PPIE: variants seen among roughly 807,000 people sequenced by gnomAD.
PPIE encodes the protein peptidyl-prolyl cis-trans isomerase E.
In PPIE, 20 loss-of-function variants were observed where a neutral mutation model predicts 38.4. That is an observed-to-expected ratio of 0.52 (90% CI 0.37 to 0.76). PPIE has a LOEUF of 0.76. PPIE is among the 30% of genes least tolerant of loss of function. PPIE has a pLI of 0.00. For synonymous variants in PPIE, 142 were observed against 135.7 expected (o/e 1.05, Z -0.32); for missense variants, 322 against 385.8 (o/e 0.83, Z 1.39).
intron 8 of PPIE, among the ~76,000 whole-genome samples, chr1:39,750,298 T>A (rs1363937675): frequency 3.3e-5 from 5 of 152,150 alleles, no homozygotes; most frequent in Non-Finnish European, 7.3e-5. Context: ...TAGGCAGACT[T>A]CTAGTCCCAT....
At chr1:39,760,614 C>T, downstream of PPIE, 1 of 1,589,008 alleles carries the variant, frequency 6.3e-7, no homozygotes, top group East Asian at 2.3e-5. Flanking sequence ...CCAGTGGCCT[C>T]CTCCAAGGAC....
At position 39,756,111 on chromosome 1, in the gene PPIE, C is replaced by A. The variant is rs1648241357; in HGVS notation, c.*2756C>A. ...AGCCCCAGAGCTGGGCAGTGGCATG[C>A]CCCACAGCCTGGCCACCTGCTTCGG... On this transcript the variant is annotated 3_prime_UTR_variant, in exon 10 of 10. Transcript: ENST00000324379. The A allele has an allele frequency of 1.0e-6, 1 of 985,428 alleles. No individual in the cohort carries two copies. Among genetic ancestry groups the A allele is most frequent in the East Asian group, 1.1e-4 (1 of 8,810 alleles). 61.0% of individuals were successfully genotyped at this position (985,428 alleles called of 1,614,324 possible). A position where few individuals can be genotyped will look rare whatever the true frequency, so the allele number is the denominator to read the frequency against.
In PPIE at chr1:39,755,562, A is replaced by C; in HGVS notation, c.*2207A>C. ...AGTCACAGGTGTTAGGCAGGCATCT[A>C]TGAAGCTGGGGATGATAGCACTGAC... On this transcript the variant is annotated 3_prime_UTR_variant, in exon 10 of 10. Transcript: ENST00000324379. The C allele has an allele frequency of 1.0e-6, 1 of 985,440 alleles. No homozygotes were observed. Among genetic ancestry groups the C allele is most frequent in the Non-Finnish European group, 1.2e-6 (1 of 829,930 alleles). The allele number at this position is 985,440 out of a possible 1,614,324, so 61.0% of individuals were successfully genotyped here. A position where few individuals can be genotyped will look rare whatever the true frequency, so the allele number is the denominator to read the frequency against.
chr1:39,760,500 A>G (rs1026412530), downstream of PPIE: 4 of 1,614,060 alleles, frequency 2.5e-6, no homozygotes, highest in Non-Finnish European at 3.4e-6. Context: ...AGTAGAGCAC[A>G]GAGGTGGCGC....
At position 39,748,958 on chromosome 1, in the gene PPIE, C is replaced by T; in HGVS notation, c.564C>T (p.Ser188=). ...AGGGCTTTGGCTTTAAGGGAAGCAG[C>T]TTCCACCGCATCATCCCCCAGTTCA... ...HEKGFGFKGS[S]FHRIIPQFMC... is the part of the protein sequence containing the mutation. The change falls in exon 8 of 10, where the codon AGC becomes AGT. Residue 188 remains serine, a synonymous_variant. Transcript: ENST00000324379. The T allele has an allele frequency of 6.2e-7, 1 of 1,614,164 alleles. No individual in the cohort carries two copies. Among genetic ancestry groups the T allele is most frequent in the Non-Finnish European group, 8.5e-7 (1 of 1,180,012 alleles).
chr1:39,751,070 C>T (rs933633032), intron 8 of PPIE, among the ~76,000 whole-genome samples: 2 of 152,194 alleles, frequency 1.3e-5, no homozygotes, highest in Non-Finnish European at 2.9e-5. Flanking sequence ...TGTACTCAAA[C>T]GCAGCAGTTA....
Position 39,748,924 on chromosome 1 carries a change from C to T in PPIE, c.530C>T (p.Thr177Ile). ...CCAGAGAATTTCCGCTGCCTGTGCA[C>T]TCATGAAAAGGGCTTTGGCTTTAAG... is the stretch of plus-strand genomic sequence containing the variant. The part of the protein sequence containing the change: ...MTAENFRCLC[T>I]HEKGFGFKGS... Residue 177 changes from threonine (T) to isoleucine (I), a missense_variant, in exon 8 of 10, where the codon ACT becomes ATT. Physicochemically the swap from Thr to Ile is moderately conservative, Grantham distance 89. Coordinates refer to ENST00000324379, the MANE Select transcript of PPIE (RefSeq NM_006112.4). The T allele has an allele frequency of 6.2e-7, 1 of 1,614,090 alleles. No homozygotes were observed. Among genetic ancestry groups the T allele is most frequent in the East Asian group, 2.2e-5 (1 of 44,888 alleles).
intron 8 of PPIE, among the ~76,000 whole-genome samples, chr1:39,750,978 A>G (rs1647667123): frequency 6.6e-6 from 1 of 152,244 alleles, no homozygotes; most frequent in East Asian, 1.9e-4. Flanking sequence ...GAATTTGTAT[A>G]ATACTCGAAT....
chr1:39,746,067 A>G (rs543080957), intron 7 of PPIE: 24 of 152,224 alleles, frequency 1.6e-4, no homozygotes, highest in African/African-American at 5.5e-4. Context: ...TTTGGTTTTT[A>G]TTTCCATGTT....
intron 1 of PPIE, chr1:39,739,951 A>T: frequency 2.1e-6 from 1 of 485,284 alleles, no homozygotes; most frequent in South Asian, 2.7e-5. Context: ...AAGCTATTGC[A>T]GTAATCCCAG....
At chr1:39,738,955 G>A in intron 1 of PPIE, 24 bp downstream of exon 1, 1 of 1,452,818 alleles carries the variant, frequency 6.9e-7, no homozygotes, top group Non-Finnish European at 9.1e-7. Context: ...GTTGCTAGGC[G>A]GAGTCTGAGT....
Position 39,738,928 on chromosome 1 carries a change from G to A in PPIE, c.28G>A (p.Val10Met). Residue 10 changes from valine to methionine, a missense_variant, in exon 1 of 10, where the codon GTG becomes ATG. Coordinates refer to ENST00000324379, the MANE Select transcript of PPIE (RefSeq NM_006112.4). MATTKRVLYVGGLAEEVDDK... is the reference protein window; with the variant it reads MATTKRVLYMGGLAEEVDDK... The stretch of plus-strand genomic sequence containing the variant: ...GGCCACCACCAAGCGCGTCTTGTAC[G>A]TGGGTGAGCAGGAGGGGTTGCTAGG... 6.7e-7 allele frequency: 1 copy of A among 1,492,152 alleles called. No homozygotes were observed. Among genetic ancestry groups the A allele is most frequent in the East Asian group, 2.7e-5 (1 of 37,248 alleles). The allele number at this position is 1,492,152 out of a possible 1,614,324, so 92.4% of individuals were successfully genotyped here.
chr1:39,750,500 C>T, intron 8 of PPIE, among the ~76,000 whole-genome samples: 1 of 152,182 alleles, frequency 6.6e-6, no homozygotes, highest in East Asian at 1.9e-4. Flanking sequence ...ACCAGTTGAG[C>T]ATCCCAAATC....
At chr1:39,745,286 T>C in intron 6 of PPIE, 89 bp from the exon 7 acceptor site, 1 of 1,544,720 alleles carries the variant, frequency 6.5e-7, no homozygotes, top group Non-Finnish European at 8.9e-7. Flanking sequence ...CGCACTGGAG[T>C]TGTGTTCTGG....
In PPIE at chr1:39,756,086, A is replaced by G; in HGVS notation, c.*2731A>G. 1 of 985,326 alleles carries G rather than the reference A, an allele frequency of 1.0e-6. No individual in the cohort carries two copies. The highest frequency in any genetic ancestry group is 1.2e-6 in the Non-Finnish European group (1 of 829,904). The allele number at this position is 985,326 out of a possible 1,614,324, so 61.0% of individuals were successfully genotyped here. On this transcript the variant is annotated 3_prime_UTR_variant, in exon 10 of 10. Transcript: ENST00000324379. The stretch of plus-strand genomic sequence containing the variant: ...GCTCTTCCAGGCCAGAAGGGAGGGG[A>G]GCCCCAGAGCTGGGCAGTGGCATGC...
chr1:39,763,236 T>C, intron 9 of PPIE: 1 of 1,569,236 alleles, frequency 6.4e-7, no homozygotes, highest in South Asian at 1.2e-5. Context: ...GTCCCATCCA[T>C]GTGCCCCTCC....
At position 39,753,644 on chromosome 1, in the gene PPIE, G is replaced by C; in HGVS notation, c.*289G>C. 1 of 1,269,932 alleles carries C rather than the reference G, an allele frequency of 7.9e-7. No homozygotes were observed. The highest frequency in any genetic ancestry group is 2.3e-5 in the South Asian group (1 of 42,762). 78.7% of individuals were successfully genotyped at this position (1,269,932 alleles called of 1,614,324 possible). A position where few individuals can be genotyped will look rare whatever the true frequency, so the allele number is the denominator to read the frequency against. On this transcript the variant is annotated 3_prime_UTR_variant, in exon 10 of 10. Coordinates refer to ENST00000324379, the MANE Select transcript of PPIE (RefSeq NM_006112.4). ...AGCATTTGCTGCTGGGCCTCTCCTG[G>C]GACTACCAGTGTGGCTCTTACGTGT...
Position 39,753,362 on chromosome 1 carries a change from A to G in PPIE, c.*7A>G. 6.2e-7 allele frequency: 1 copy of G among 1,613,364 alleles called. No individual in the cohort carries two copies. Among genetic ancestry groups the G allele is most frequent in the South Asian group, 1.1e-5 (1 of 91,002 alleles). The stretch of plus-strand genomic sequence containing the variant: ...CTGTGGGGAGTACGTGTGAGGCGGC[A>G]CTCTCTCTGCTTCCCCCTCCGCTCT... On this transcript the variant is annotated 3_prime_UTR_variant, in exon 10 of 10. Coordinates refer to ENST00000324379, the MANE Select transcript of PPIE (RefSeq NM_006112.4).
intron 8 of PPIE, among the ~76,000 whole-genome samples, chr1:39,751,321 A>G (rs501523): frequency 0.12 from 18,079 of 152,226 alleles, 1,222 homozygotes; most frequent in Admixed American, 0.16. Flanking sequence ...TTTTTTACCT[A>G]TACCAATATC....
Sources: allele counts gnomAD v4.1 joint callset (sites outside exome capture counted in the v4.1 genomes callset), GRCh38; gene constraint gnomAD v4.1.1; transcripts MANE v1.5; gene names NCBI Gene and HGNC (gene_info 2026-07-23, HGNC 2026-07-21).